Variants in BBS9 observed in about 807,000 individuals in gnomAD.
BBS9 encodes the protein Bardet-Biedl syndrome 9.
A neutral mutation model predicts 117.7 loss-of-function variants in BBS9; 89 were observed. That is an observed-to-expected ratio of 0.76 (90% CI 0.64 to 0.90). The LOEUF is 0.90. Among genes scored for constraint, BBS9 ranks in the 40% least tolerant of loss-of-function variants. BBS9 has a pLI of 0.00. For synonymous variants in BBS9, 379 were observed against 370.9 expected (o/e 1.02, Z -0.25); for missense variants, 982 against 1,042.2 (o/e 0.94, Z 0.80).
chr7:33,426,860 C>A (rs1001683180), intron 19 of BBS9, among the ~76,000 whole-genome samples: 5 of 151,932 alleles, frequency 3.3e-5, no homozygotes, highest in African/African-American at 1.2e-4. Flanking sequence ...CTAGTCAGTG[C>A]CTTTGTTCTG....
chr7:33,202,197 A>G (rs1486756070), intron 5 of BBS9, among the ~76,000 whole-genome samples: 2 of 152,190 alleles, frequency 1.3e-5, no homozygotes, highest in Non-Finnish European at 2.9e-5. Context: ...TGCTGTCAAT[A>G]GTATTGGTTT....
At chr7:33,487,159 CT>C (rs1416375331) in intron 19 of BBS9, among the ~76,000 whole-genome samples, 2 of 152,176 alleles carry the variant, frequency 1.3e-5, no homozygotes, top group Non-Finnish European at 2.9e-5. Context: ...CCAATCTTTA[CT>C]CTTAAATAGC....
rs545979486 is a variant in BBS9, at chr7:33,197,630, A to G, written c.442+20039A>G. ...TAAAGTACACTGGTACTCTGATTAT[A>G]GGATATACTAGATATATAAAATTTA... On this transcript the variant is annotated intron_variant, in intron 5 of 22. Transcript: ENST00000242067. 2.0e-5 allele frequency among the ~76,000 whole-genome samples: 3 copies of G among 152,124 alleles called. No homozygotes were observed. The South Asian group carries it at 6.2e-4, about 32-fold the overall frequency.
intron 9 of BBS9, among the ~76,000 whole-genome samples, chr7:33,313,041 G>C (rs1809633837): frequency 1.4e-5 from 2 of 142,774 alleles, no homozygotes; most frequent in East Asian, 3.9e-4. Context: ...TCTGTGGTGT[G>C]TGTGTGTGTG....
intron 19 of BBS9, among the ~76,000 whole-genome samples, chr7:33,412,167 T>A (rs1831258658): frequency 1.3e-5 from 2 of 152,194 alleles, no homozygotes; most frequent in South Asian, 4.1e-4. Flanking sequence ...TAGAAAAAAA[T>A]TCATAGCCAT....
At chr7:33,450,257 GTTTC>G (rs1837605160) in intron 19 of BBS9, among the ~76,000 whole-genome samples, 1 of 152,102 alleles carries the variant, frequency 6.6e-6, no homozygotes, top group African/African-American at 2.4e-5. Flanking sequence ...CCATACCCTA[GTTTC>G]TTTATTCATC....
chr7:33,222,950 C>T (rs1378200059), intron 5 of BBS9, among the ~76,000 whole-genome samples: 5 of 145,786 alleles, frequency 3.4e-5, no homozygotes. Flanking sequence ...AAGACCCTGT[C>T]TCAAAAAAAA....
intron 9 of BBS9, among the ~76,000 whole-genome samples, chr7:33,334,366 A>C (rs1419374362): frequency 6.6e-6 from 1 of 152,196 alleles, no homozygotes; most frequent in Non-Finnish European, 1.5e-5. Context: ...AATTCAAAGA[A>C]CTGATGAATC....
At chr7:33,180,800 C>A (rs766219201) in intron 5 of BBS9, among the ~76,000 whole-genome samples, 3 of 152,124 alleles carry the variant, frequency 2.0e-5, no homozygotes, top group Non-Finnish European at 4.4e-5. Context: ...GTCCCACTGC[C>A]TTGTTGCGGT....
rs528310002 is a variant in BBS9 at position 33,302,394 on chromosome 7, T to A, written c.1016+28438T>A. 2.6e-5 allele frequency among the ~76,000 whole-genome samples: 4 copies of A among 152,284 alleles called. No individual in the cohort carries two copies. In the East Asian group the frequency reaches 7.7e-4, roughly 29 times the overall value. On this transcript the variant is annotated intron_variant, in intron 9 of 22. Coordinates refer to ENST00000242067, the MANE Select transcript of BBS9 (RefSeq NM_198428.3). ...GAGTTTCCCCAGTGTTTTCTTGTAGTGGTTTCATAGTTTGATATATAAGAT... is the reference window on the plus strand; with the variant it reads ...GAGTTTCCCCAGTGTTTTCTTGTAGAGGTTTCATAGTTTGATATATAAGAT...
chr7:33,353,459 A>G (rs550585184), intron 15 of BBS9, among the ~76,000 whole-genome samples: 1 of 152,242 alleles, frequency 6.6e-6, no homozygotes, highest in African/African-American at 2.4e-5. Context: ...GATTCTGATC[A>G]CAATATGAAC....
chr7:33,554,367 A>G (rs187052341), intron 21 of BBS9, among the ~76,000 whole-genome samples: 3 of 152,302 alleles, frequency 2.0e-5, no homozygotes, highest in Admixed American at 6.5e-5. Context: ...ACTATTGTAG[A>G]AATGTAGGCA....
chr7:33,631,905 T>G (rs1184593456), intron 21 of BBS9, among the ~76,000 whole-genome samples: 2 of 152,132 alleles, frequency 1.3e-5, no homozygotes, highest in African/African-American at 2.4e-5. Flanking sequence ...TTTGGGATGT[T>G]CCAGTGAGCA....
chr7:33,323,241 T>C (rs1392235604), intron 9 of BBS9, among the ~76,000 whole-genome samples: 1 of 152,190 alleles, frequency 6.6e-6, no homozygotes, highest in Non-Finnish European at 1.5e-5. Context: ...AAATATCTGT[T>C]ACTTCTATTT....
intron 9 of BBS9, among the ~76,000 whole-genome samples, chr7:33,292,956 A>T (rs1804379107): frequency 6.6e-6 from 1 of 151,584 alleles, no homozygotes; most frequent in Non-Finnish European, 1.5e-5. Flanking sequence ...CAGTCAGCTG[A>T]GATCATGCCA....
intron 19 of BBS9, among the ~76,000 whole-genome samples, chr7:33,421,089 T>C (rs887839046): frequency 2.6e-5 from 4 of 152,136 alleles, no homozygotes; most frequent in African/African-American, 9.7e-5. Flanking sequence ...GGAGTAGAAA[T>C]GGAAGGATTG....
intron 21 of BBS9, among the ~76,000 whole-genome samples, chr7:33,574,726 C>CACAT (rs759591866): frequency 0.016 from 2,088 of 129,552 alleles, 28 homozygotes; most frequent in Admixed American, 0.025. Context: ...CACACACACA[C>CACAT]GCGCACACAC....
At chr7:33,164,579 A>G (rs953819105) in intron 4 of BBS9, among the ~76,000 whole-genome samples, 1 of 152,160 alleles carries the variant, frequency 6.6e-6, no homozygotes, top group Non-Finnish European at 1.5e-5. Flanking sequence ...CTTTACCATT[A>G]TGTAATGGCC....
At chr7:33,218,065 C>T (rs1305842689) in intron 5 of BBS9, among the ~76,000 whole-genome samples, 2 of 149,364 alleles carry the variant, frequency 1.3e-5, no homozygotes, top group Non-Finnish European at 3.0e-5. Flanking sequence ...ATAGAGCCAA[C>T]CTCCCTAAAA....
Sources: allele counts gnomAD v4.1 joint callset (sites outside exome capture counted in the v4.1 genomes callset), GRCh38; gene constraint gnomAD v4.1.1; transcripts MANE v1.5; gene names NCBI Gene and HGNC (gene_info 2026-07-23, HGNC 2026-07-21).